The following CTNND2 variants were observed in gnomAD, a reference collection of about 807,000 sequenced individuals.
CTNND2 encodes the protein catenin delta-2.
CTNND2 carries 22 observed loss-of-function variants against 144.4 expected under a neutral mutation model. That is an observed-to-expected ratio of 0.15 (90% confidence interval 0.11 to 0.22). The LOEUF (loss-of-function observed/expected upper bound fraction) is 0.22. Ranked by LOEUF, CTNND2 falls within the 10% of genes least tolerant of loss-of-function variation. CTNND2 has a pLI of 1.00. For synonymous variants in CTNND2, 751 were observed against 695.6 expected, an observed-to-expected ratio of 1.08 and a Z score of -1.25; for missense variants, 1,353 against 1,618.8, an observed-to-expected ratio of 0.84 and a Z score of 2.82.
intron 2 of CTNND2, among the ~76,000 whole-genome samples, chr5:11,625,997 TAAC>T (rs2126448249): frequency 6.6e-6 from 1 of 152,286 alleles, no homozygotes; most frequent in African/African-American, 2.4e-5. Context: ...TCCAAATATA[TAAC>T]GTTTCTGCTG....
In CTNND2 at chr5:11,624,259, G is replaced by A. The variant is rs78608186; in HGVS notation, c.175-59203C>T. 6.7e-3 allele frequency among the ~76,000 whole-genome samples: 1,023 copies of A among 152,130 alleles called. 8 individuals carry two copies. Among genetic ancestry groups the A allele is most frequent in the Non-Finnish European group, 0.012 (810 of 67,932 alleles). On this transcript the variant is annotated intron_variant, in intron 2 of 21. Coordinates refer to ENST00000304623, the MANE Select transcript of CTNND2 (RefSeq NM_001332.4). ...ATTTTAGAGATAAAGATACCAAAGC[G>A]TGTTAAATTTACATGTCTTGACCAA...
chr5:11,847,128 TTATATA>T (rs56978156), intron 1 of CTNND2, among the ~76,000 whole-genome samples: 3,251 of 72,054 alleles, frequency 0.045, 61 homozygotes, highest in South Asian at 0.059. Flanking sequence ...GTCAAAGATT[TTATATA>T]TATATATATA....
rs985990415 is a variant in CTNND2, at chr5:11,236,663, A to G, written c.1761+28T>C. 4 of 1,612,038 alleles carry G rather than the reference A, an allele frequency of 2.5e-6. No individual in the cohort carries two copies. The Admixed American group carries it at 5.0e-5, about 20-fold the overall frequency. On this transcript the variant is annotated intron_variant, in intron 10 of 21. Coordinates refer to ENST00000304623, the MANE Select transcript of CTNND2 (RefSeq NM_001332.4). ...CTAAGTGCTTATGAATCTGACACCA[A>G]TCATTTCAGAATCCAAGGAGCACTG...
At chr5:11,035,868 A>C (rs1204532094) in intron 16 of CTNND2, among the ~76,000 whole-genome samples, 1 of 147,802 alleles carries the variant, frequency 6.8e-6, no homozygotes, top group Non-Finnish European at 1.5e-5. Context: ...AAAAAAAAAC[A>C]ATGAAAGGTG....
chr5:11,680,125 G>C (rs1400441270), intron 2 of CTNND2, among the ~76,000 whole-genome samples: 1 of 152,098 alleles, frequency 6.6e-6, no homozygotes, highest in Admixed American at 6.6e-5. Context: ...GGCATTTTAA[G>C]GAAAAACTGT....
At chr5:11,429,994 G>A (rs1456817370) in intron 3 of CTNND2, among the ~76,000 whole-genome samples, 1 of 152,124 alleles carries the variant, frequency 6.6e-6, no homozygotes, top group African/African-American at 2.4e-5. Flanking sequence ...GCTCATGCCT[G>A]TAATCCCAGC....
intron 10 of CTNND2, among the ~76,000 whole-genome samples, chr5:11,213,529 T>C (rs561537607): frequency 6.6e-6 from 1 of 152,326 alleles, no homozygotes; most frequent in East Asian, 1.9e-4. Context: ...ACTCTTCATT[T>C]TGTCCTTCAG....
intron 17 of CTNND2, among the ~76,000 whole-genome samples, chr5:11,021,775 A>G (rs1477318602): frequency 6.6e-6 from 1 of 152,056 alleles, no homozygotes; most frequent in Non-Finnish European, 1.5e-5. Flanking sequence ...AAAGTGTTTA[A>G]TAACAACAAA....
intron 2 of CTNND2, among the ~76,000 whole-genome samples, chr5:11,645,111 G>C (rs550007189): frequency 6.6e-6 from 1 of 151,930 alleles, no homozygotes; most frequent in Non-Finnish European, 1.5e-5. Flanking sequence ...GACTATAAGC[G>C]TGCACCACCA....
At chr5:11,412,361 T>G (rs141834331) in intron 3 of CTNND2, among the ~76,000 whole-genome samples, 1 of 152,286 alleles carries the variant, frequency 6.6e-6, no homozygotes, top group South Asian at 2.1e-4. Flanking sequence ...TTCTTTACAA[T>G]AGCTTCTCTA....
intron 3 of CTNND2, among the ~76,000 whole-genome samples, chr5:11,440,506 A>G (rs1764164571): frequency 6.6e-6 from 1 of 152,184 alleles, no homozygotes; most frequent in Admixed American, 6.5e-5. Context: ...TGTATCTCCA[A>G]ATTCTTAGGT....
chr5:11,575,024 C>T (rs1777867678), intron 2 of CTNND2, among the ~76,000 whole-genome samples: 1 of 152,182 alleles, frequency 6.6e-6, no homozygotes, highest in Admixed American at 6.5e-5. Context: ...TGATGAATCA[C>T]ATTACTTCAT....
intron 3 of CTNND2, among the ~76,000 whole-genome samples, chr5:11,522,986 G>C (rs1262933849): frequency 6.6e-6 from 1 of 152,170 alleles, no homozygotes; most frequent in East Asian, 1.9e-4. Flanking sequence ...CAACATTTCT[G>C]ATATCAAGTT....
At chr5:11,387,963 C>G (rs763998090) in intron 6 of CTNND2, among the ~76,000 whole-genome samples, 3 of 152,136 alleles carry the variant, frequency 2.0e-5, no homozygotes, top group African/African-American at 4.8e-5. Context: ...GTACTAAGTG[C>G]TGAATACGAC....
At chr5:11,823,234 G>A (rs1166672362) in intron 1 of CTNND2, among the ~76,000 whole-genome samples, 1 of 152,196 alleles carries the variant, frequency 6.6e-6, no homozygotes, top group Non-Finnish European at 1.5e-5. Context: ...GACACTTCAT[G>A]TCTTCCAAAA....
chr5:11,069,130 G>A (rs1747950053), intron 16 of CTNND2, among the ~76,000 whole-genome samples: 1 of 152,202 alleles, frequency 6.6e-6, no homozygotes. Context: ...AGCACAAAAA[G>A]TAAAAATAGA....
chr5:11,831,527 G>T (rs1408960796), intron 1 of CTNND2, among the ~76,000 whole-genome samples: 3 of 152,034 alleles, frequency 2.0e-5, no homozygotes, highest in Non-Finnish European at 4.4e-5. Flanking sequence ...AATTAGCCAG[G>T]TGTGCTGGCG....
At chr5:11,493,930 G>A (rs868049250) in intron 3 of CTNND2, among the ~76,000 whole-genome samples, 46 of 151,208 alleles carry the variant, frequency 3.0e-4, no homozygotes, top group African/African-American at 9.7e-4. Context: ...TTGTAGCTGC[G>A]ATAATTTAGA....
chr5:11,594,915 T>C (rs1189872960), intron 2 of CTNND2, among the ~76,000 whole-genome samples: 2 of 152,244 alleles, frequency 1.3e-5, no homozygotes, highest in African/African-American at 4.8e-5. Flanking sequence ...ACATGACTCC[T>C]GAAATTTTGG....
Sources: allele counts gnomAD v4.1 joint callset (sites outside exome capture counted in the v4.1 genomes callset), GRCh38; gene constraint gnomAD v4.1.1; transcripts MANE v1.5; gene names NCBI Gene and HGNC (gene_info 2026-07-23, HGNC 2026-07-21).